Variants in MAD1L1 observed in about 807,000 individuals in gnomAD.
The protein encoded by MAD1L1 is mitotic spindle assembly checkpoint protein MAD1.
In MAD1L1, 95 loss-of-function variants were observed where a neutral mutation model predicts 96.9. The ratio of observed to expected loss-of-function variants is 0.98; its 90% CI spans 0.83 to 1.16. The LOEUF (loss-of-function observed/expected upper bound fraction) is 1.16, where lower values mean the gene tolerates loss of function less well. Ranked by LOEUF, MAD1L1 falls within the 50% of genes most tolerant of loss-of-function variation. MAD1L1 has a pLI of 0.00. For missense variants in MAD1L1, 1,007 were observed against 954.4 expected (o/e 1.06, Z -0.73); for synonymous variants, 473 against 396.6 (o/e 1.19, Z -2.29).
chr7:1,999,264 C>T (rs539301481), intron 14 of MAD1L1, among the ~76,000 whole-genome samples: 15 of 152,206 alleles, frequency 9.9e-5, no homozygotes, highest in African/African-American at 1.9e-4. Context: ...CCCCACCCCC[C>T]AGTATTTCTA....
intron 10 of MAD1L1, among the ~76,000 whole-genome samples, chr7:2,164,939 G>A (rs1161159653): frequency 2.0e-5 from 3 of 152,176 alleles, no homozygotes; most frequent in Admixed American, 6.5e-5. Flanking sequence ...AGAGTGGAAA[G>A]CCTGAGGCTG....
At chr7:1,886,683 G>A (rs1387895844) in intron 18 of MAD1L1, among the ~76,000 whole-genome samples, 3 of 152,272 alleles carry the variant, frequency 2.0e-5, no homozygotes, top group Non-Finnish European at 4.4e-5. Context: ...CAGGAAGGAA[G>A]GCCTGAGCCT....
chr7:1,837,724 C>T (rs1039511435), intron 18 of MAD1L1, among the ~76,000 whole-genome samples: 9 of 152,228 alleles, frequency 5.9e-5, no homozygotes, highest in African/African-American at 1.4e-4. Context: ...CTCTGGAAAA[C>T]GTGGATGAAC....
At chr7:2,116,741 G>A (rs992492545) in intron 11 of MAD1L1, among the ~76,000 whole-genome samples, 16 of 152,222 alleles carry the variant, frequency 1.1e-4, no homozygotes, top group East Asian at 3.9e-4. Flanking sequence ...CAGACCCAAC[G>A]GGGAGGAAGG....
intron 3 of MAD1L1, among the ~76,000 whole-genome samples, chr7:2,228,459 G>C (rs1281722391): frequency 6.6e-6 from 1 of 151,876 alleles, no homozygotes; most frequent in Non-Finnish European, 1.5e-5. Flanking sequence ...TACCATGTTG[G>C]TCAGGCTGGT....
intron 11 of MAD1L1, among the ~76,000 whole-genome samples, chr7:2,084,619 C>A (rs565707953): frequency 6.6e-6 from 1 of 152,224 alleles, no homozygotes; most frequent in African/African-American, 2.4e-5. Flanking sequence ...GCGGCCACTG[C>A]AGCCGCCAGC....
chr7:2,059,856 C>T (rs1478725182), intron 12 of MAD1L1, among the ~76,000 whole-genome samples: 2 of 152,102 alleles, frequency 1.3e-5, no homozygotes, highest in African/African-American at 4.8e-5. Context: ...GGAACACATA[C>T]ATAGAAGATC....
At chr7:1,966,845 A>G (rs1172070554) in intron 15 of MAD1L1, among the ~76,000 whole-genome samples, 14 of 152,254 alleles carry the variant, frequency 9.2e-5, no homozygotes. Flanking sequence ...CTGCGTGCGC[A>G]GGGCAGAGCT....
intron 18 of MAD1L1, among the ~76,000 whole-genome samples, chr7:1,855,333 G>C (rs1784192096): frequency 6.6e-6 from 1 of 152,022 alleles, no homozygotes; most frequent in South Asian, 2.1e-4. Flanking sequence ...GTTTTCTCCA[G>C]CAGCGATGAC....
chr7:2,004,470 A>C (rs1290363349), intron 13 of MAD1L1, among the ~76,000 whole-genome samples: 1 of 152,260 alleles, frequency 6.6e-6, no homozygotes, highest in Non-Finnish European at 1.5e-5. Flanking sequence ...TGCAAGGTCA[A>C]AGGCACTTTA....
chr7:2,070,308 T>A (rs902573284), intron 11 of MAD1L1, among the ~76,000 whole-genome samples: 2 of 152,014 alleles, frequency 1.3e-5, no homozygotes, highest in Non-Finnish European at 2.9e-5. Flanking sequence ...CGGGAGGGGC[T>A]CCCAGGAAGG....
intron 17 of MAD1L1, 81 bp downstream of exon 17, chr7:1,936,606 T>C: frequency 1.4e-6 from 2 of 1,390,386 alleles, no homozygotes; most frequent in Non-Finnish European, 1.9e-6. Flanking sequence ...CAGGGGCGCC[T>C]GAGGCTGCCC....
intron 10 of MAD1L1, among the ~76,000 whole-genome samples, chr7:2,197,304 G>T (rs575647472): frequency 6.6e-6 from 1 of 152,236 alleles, no homozygotes; most frequent in East Asian, 1.9e-4. Flanking sequence ...ACATATGCCC[G>T]GCTAGATCTG....
intron 10 of MAD1L1, among the ~76,000 whole-genome samples, chr7:2,162,285 T>TACCCCC (rs1413376077): frequency 6.6e-6 from 1 of 152,226 alleles, no homozygotes; most frequent in African/African-American, 2.4e-5. Context: ...TCTATAACCT[T>TACCCCC]ACCCCCAACC....
chr7:2,119,936 C>A lies in MAD1L1; in HGVS notation c.1073+29216G>T, dbSNP rs947448686. On this transcript the variant is annotated intron_variant, in intron 11 of 18. Transcript: ENST00000265854. The surrounding 1 kb of genome is among the most constrained non-coding windows in gnomAD (Gnocchi z 4.6). ...TTCCCTGAAAGCCGCCCTCAGCATC[C>A]TCCTCACTCCACCTCCTCCCAGCAT... 1.3e-5 allele frequency among the ~76,000 whole-genome samples: 2 copies of A among 152,180 alleles called. No homozygotes were observed. Among genetic ancestry groups the A allele is most frequent in the Non-Finnish European group, 2.9e-5 (2 of 68,012 alleles).
At chr7:1,983,098 A>ACACACACGTG (rs1230179936) in intron 14 of MAD1L1, among the ~76,000 whole-genome samples, 2 of 152,130 alleles carry the variant, frequency 1.3e-5, no homozygotes, top group African/African-American at 4.8e-5. Flanking sequence ...GCATGCACAC[A>ACACACACGTG]CACACACGTG....
At chr7:1,900,738 G>A (rs1345444687) in intron 17 of MAD1L1, among the ~76,000 whole-genome samples, 1 of 151,934 alleles carries the variant, frequency 6.6e-6, no homozygotes, top group African/African-American at 2.4e-5. Context: ...GGCGTCCAAA[G>A]GGGAAGAATT....
intron 11 of MAD1L1, among the ~76,000 whole-genome samples, chr7:2,123,454 T>C (rs769144387): frequency 6.6e-6 from 1 of 152,180 alleles, no homozygotes; most frequent in Non-Finnish European, 1.5e-5. Flanking sequence ...GGTGAGGCCC[T>C]GGTCCTGTGT....
intron 17 of MAD1L1, among the ~76,000 whole-genome samples, chr7:1,922,670 T>C (rs1194037510): frequency 2.0e-5 from 3 of 152,218 alleles, no homozygotes; most frequent in South Asian, 2.1e-4. Context: ...CTCTGGGACA[T>C]GGACCAAGGC....
Sources: allele counts gnomAD v4.1 joint callset (sites outside exome capture counted in the v4.1 genomes callset), GRCh38; gene constraint gnomAD v4.1.1; non-coding constraint Gnocchi (gnomAD v3.1); transcripts MANE v1.5; gene names NCBI Gene and HGNC (gene_info 2026-07-23, HGNC 2026-07-21).